The following KIF1A variants were observed in gnomAD, a reference collection of about 807,000 sequenced individuals.
KIF1A encodes kinesin family member 1A.
A neutral mutation model predicts 227.3 loss-of-function variants in KIF1A; 46 were observed. The ratio of observed to expected loss-of-function variants is 0.20; its 90% CI spans 0.16 to 0.26. KIF1A has a LOEUF of 0.26. KIF1A is among the 10% of genes least tolerant of loss of function. KIF1A has a pLI of 1.00. For synonymous variants in KIF1A, 1,022 were observed against 1,012.8 expected (o/e 1.01, Z -0.17); for missense variants, 1,683 against 2,485.9 (o/e 0.68, Z 6.87).
chr2:240,772,356 G>T (rs766760181), intron 14 of KIF1A, among the ~76,000 whole-genome samples: 1 of 152,166 alleles, frequency 6.6e-6, no homozygotes, highest in Non-Finnish European at 1.5e-5. Context: ...GGGTGGGAAG[G>T]AGCCAGGAGT....
In KIF1A at chr2:240,737,078, G is replaced by C; in HGVS notation, c.3992C>G (p.Pro1331Arg). ...LNILSSGYIHPAQDDRTFYQF... is the reference protein window; with the variant it reads ...LNILSSGYIHRAQDDRTFYQF... The stretch of plus-strand genomic sequence containing the variant: ...TCCGACTCACCGGTCATCTTGGGCT[G>C]GGTGGATGTATCCGGAAGAGAGGAT... The change falls in exon 38 of 49, where the codon CCA (proline) becomes CGA (arginine). Residue 1331 changes from proline to arginine, a missense_variant. Coordinates refer to ENST00000498729, the MANE Select transcript of KIF1A (RefSeq NM_001244008.2). 1 of 1,613,034 alleles carries C rather than the reference G, an allele frequency of 6.2e-7. No individual in the cohort carries two copies. Among genetic ancestry groups the C allele is most frequent in the South Asian group, 1.1e-5 (1 of 91,056 alleles).
rs1002208229 is a variant in KIF1A, at chr2:240,773,104, A to C, written c.1180+10T>G. 1.2e-6 allele frequency: 2 copies of C among 1,607,454 alleles called. No homozygotes were observed. The highest frequency in any genetic ancestry group is 3.4e-5 in the Admixed American group (2 of 59,038). ...AACCCTGTCCAGGACAGGCTGGAGC[A>C]GGCACTCACTGTCAGTGATGTCGCC... On this transcript the variant is annotated intron_variant, in intron 13 of 48. Transcript: ENST00000498729.
At chr2:240,727,161 C>A (rs1034647362) in intron 38 of KIF1A, among the ~76,000 whole-genome samples, 3 of 152,186 alleles carry the variant, frequency 2.0e-5, no homozygotes, top group Non-Finnish European at 4.4e-5. Flanking sequence ...GAGGGTGAGC[C>A]CAGCATTTTC....
At chr2:240,724,465 TCGGTGG>T (rs753505663) in intron 40 of KIF1A, 172 of 242,096 alleles carry the variant, frequency 7.1e-4, no homozygotes, top group Non-Finnish European at 1.2e-3. Flanking sequence ...CACAGACAGG[TCGGTGG>T]CATCCCACAA....
At position 240,737,092 on chromosome 2, in the gene KIF1A, G is replaced by T; in HGVS notation, c.3978C>A (p.Ser1326=). The T allele has an allele frequency of 8.1e-6, 13 of 1,613,638 alleles. No individual in the cohort carries two copies. Among genetic ancestry groups the T allele is most frequent in the Non-Finnish European group, 1.0e-5 (12 of 1,179,588 alleles). The change falls in exon 38 of 49, where the codon TCC becomes TCA. Residue 1326 remains serine (S), a synonymous_variant. Transcript: ENST00000498729. ...CATCTTGGGCTGGGTGGATGTATCC[G>T]GAAGAGAGGATGTTGAGAGACAAGA... ...PNILSLNILS[S]GYIHPAQDDR... is the part of the protein sequence containing the mutation.
rs780380861 is a variant in KIF1A, at chr2:240,775,850, C to T, written c.958+1G>A. Reference sequence around the variant, plus strand: ...GGACAGGCAAACCCACAAGTTCTCACCCAGGTTTTCCCGGAGGAGCCAGGT... The same window carrying T: ...GGACAGGCAAACCCACAAGTTCTCATCCAGGTTTTCCCGGAGGAGCCAGGT... On this transcript the variant is annotated splice_donor_variant, in intron 11 of 48. Transcript: ENST00000498729. LOFTEE classifies it high-confidence loss of function. The surrounding 1 kb of genome is among the most constrained non-coding windows in gnomAD (Gnocchi z 5.5). The T allele has an allele frequency of 6.2e-7, 1 of 1,600,482 alleles. No homozygotes were observed. Among genetic ancestry groups the T allele is most frequent in the South Asian group, 1.1e-5 (1 of 90,808 alleles).
In KIF1A at chr2:240,749,956, C is replaced by T. The variant is rs115016768; in HGVS notation, c.2977+473G>A. Among the ~76,000 whole-genome samples, 303 of 152,342 alleles carry T rather than the reference C, an allele frequency of 2.0e-3. 2 individuals carry two copies. The highest frequency in any genetic ancestry group is 6.6e-3 in the African/African-American group (274 of 41,588). On this transcript the variant is annotated intron_variant, in intron 28 of 48. Transcript: ENST00000498729. ...CAGGGGCCAGGGACTGGGCCTCACA[C>T]GCCTTTCCTGGGGCTGCAGAGACAG... is the stretch of plus-strand genomic sequence containing the variant.
chr2:240,780,202 GC>G (rs2053456153), intron 10 of KIF1A, among the ~76,000 whole-genome samples: 1 of 151,644 alleles, frequency 6.6e-6, no homozygotes, highest in Non-Finnish European at 1.5e-5. Context: ...CACCCGCCTG[GC>G]CCCCCGCAGT....
At chr2:240,750,779 G>A (rs571675325) in intron 27 of KIF1A, among the ~76,000 whole-genome samples, 2 of 151,890 alleles carry the variant, frequency 1.3e-5, no homozygotes, top group Admixed American at 1.3e-4. Flanking sequence ...AATGAGCTGC[G>A]GAGAGCAGAG....
chr2:240,718,794 G>A (rs1169904164), intron 47 of KIF1A, among the ~76,000 whole-genome samples: 3 of 152,354 alleles, frequency 2.0e-5, no homozygotes, highest in Non-Finnish European at 1.5e-5. Flanking sequence ...CTGTCACCAG[G>A]AATATGCGCC....
chr2:240,813,884 C>G (rs923102507), intron 1 of KIF1A, among the ~76,000 whole-genome samples: 3 of 152,182 alleles, frequency 2.0e-5, no homozygotes, highest in African/African-American at 7.2e-5. Context: ...GCGAAACAAC[C>G]GAGCACAACC....
chr2:240,773,084 T>C (rs1043841174), intron 13 of KIF1A, 30 bp downstream of exon 13: 6 of 1,585,546 alleles, frequency 3.8e-6, no homozygotes, highest in African/African-American at 1.3e-5. Flanking sequence ...CCCACAACCC[T>C]GTCCAGGACA....
rs111507743 is a variant in KIF1A, at chr2:240,775,929, G to T, written c.883-3C>A. On this transcript the variant is annotated splice_region_variant and splice_polypyrimidine_tract_variant and intron_variant, in intron 10 of 48. Transcript: ENST00000498729. This position sits in a 1 kb window ranked among gnomAD's most constrained non-coding sequence, Gnocchi z 5.5. Reference sequence around the variant, plus strand: ...TCTGTCTTCTTCTTTTTCTTGTTCTGTGGGGGAGGAACATTCAAGGTCAAG... The same window carrying T: ...TCTGTCTTCTTCTTTTTCTTGTTCTTTGGGGGAGGAACATTCAAGGTCAAG... 2 of 1,601,796 alleles carry T rather than the reference G, an allele frequency of 1.2e-6. No homozygotes were observed.
intron 38 of KIF1A, among the ~76,000 whole-genome samples, chr2:240,732,815 C>T (rs918548278): frequency 8.9e-5 from 6 of 67,656 alleles, no homozygotes; most frequent in Non-Finnish European, 1.1e-4. Flanking sequence ...GAGGGAGGGA[C>T]GAGACGATGA....
chr2:240,774,434 G>A (rs2052483426), intron 11 of KIF1A, among the ~76,000 whole-genome samples, 173 bp from the exon 12 acceptor site: 1 of 121,298 alleles, frequency 8.2e-6, no homozygotes, highest in Non-Finnish European at 1.6e-5. Flanking sequence ...ACAACAGCAA[G>A]GACCTGGCCT....
chr2:240,735,626 C>A (rs935548782), intron 38 of KIF1A, among the ~76,000 whole-genome samples: 1 of 152,218 alleles, frequency 6.6e-6, no homozygotes, highest in Non-Finnish European at 1.5e-5. Flanking sequence ...GGCCCCACCC[C>A]CTACTCCAAT....
rs2052252729 is a variant in KIF1A, at chr2:240,773,210, C to T, written c.1084G>A (p.Glu362Lys). 1.2e-6 allele frequency: 2 copies of T among 1,613,974 alleles called. No individual in the cohort carries two copies. The highest frequency in any genetic ancestry group is 1.7e-6 in the Non-Finnish European group (2 of 1,179,858). The stretch of plus-strand genomic sequence containing the variant: ...CGGATCAGCTTGTTGTTGGGGTCCT[C>T]ATTGATGACAGCATTGCAGCGGATC... ...KQIRCNAVIN[E>K]DPNNKLIREL... is the part of the protein sequence containing the mutation. The change falls in exon 13 of 49, where the codon GAG becomes AAG. Residue 362 changes from glutamate (E) to lysine (K), a missense_variant. Glu to Lys is a moderately conservative substitution (Grantham distance 56). This residue lies in a region of KIF1A where 110 missense variants were observed against 133.1 expected (regional missense o/e 0.83). Coordinates refer to ENST00000498729, the MANE Select transcript of KIF1A (RefSeq NM_001244008.2).
Position 240,757,734 on chromosome 2 carries a change from A to G in KIF1A, c.2583-140T>C. On this transcript the variant is annotated intron_variant, in intron 26 of 48. Transcript: ENST00000498729. This position sits in a 1 kb window ranked among gnomAD's most constrained non-coding sequence, Gnocchi z 6.2. ...ACCATCGAGAATGCTGCTTTAAAAGATGAGAGAACCAAAACTGTGCCCCCA... is the reference window on the plus strand; with the variant it reads ...ACCATCGAGAATGCTGCTTTAAAAGGTGAGAGAACCAAAACTGTGCCCCCA... The G allele has an allele frequency of 1.2e-6, 1 of 819,214 alleles. No homozygotes were observed. Among genetic ancestry groups the G allele is most frequent in the Non-Finnish European group, 1.9e-6 (1 of 526,956 alleles). The allele number at this position is 819,214 out of a possible 1,614,324, so 50.7% of individuals were successfully genotyped here. A position where few individuals can be genotyped will look rare whatever the true frequency, so the allele number is the denominator to read the frequency against.
At chr2:240,721,990 C>T (rs1366168966) in intron 43 of KIF1A, 106 bp from the exon 44 acceptor site, 15 of 890,714 alleles carry the variant, frequency 1.7e-5, no homozygotes, top group Middle Eastern at 2.6e-4. Context: ...AGGTGGGTTC[C>T]GACGCCAGAG....
Sources: gnomAD v4.1 joint callset for allele counts (sites outside exome capture counted in the v4.1 genomes callset) on GRCh38, gnomAD v4.1.1 for gene constraint, gnomAD v4.1.1 regional missense constraint, Gnocchi (gnomAD v3.1) non-coding constraint, MANE v1.5 for transcripts, NCBI Gene and HGNC (gene_info 2026-07-23, HGNC 2026-07-21) for gene names.